Variants in LRRC7 observed in about 807,000 individuals in gnomAD.
LRRC7 encodes leucine-rich repeat-containing protein 7.
A neutral mutation model predicts 175.7 loss-of-function variants in LRRC7; 23 were observed. The ratio of observed to expected loss-of-function variants is 0.13; its 90% CI spans 0.09 to 0.19. LRRC7 has a LOEUF of 0.19. Ranked by LOEUF, LRRC7 falls within the 10% of genes least tolerant of loss-of-function variation. LRRC7 has a pLI of 1.00. For synonymous variants in LRRC7, 685 were observed against 680.9 expected (o/e 1.01, Z -0.09); for missense variants, 1,354 against 1,904.7 (o/e 0.71, Z 5.38).
chr1:69,916,899 A>T (rs1646736069), intron 7 of LRRC7, among the ~76,000 whole-genome samples: 2 of 152,302 alleles, frequency 1.3e-5, no homozygotes, highest in South Asian at 4.1e-4. Context: ...TATAAAATGA[A>T]GGCAAGAAGG....
intron 7 of LRRC7, among the ~76,000 whole-genome samples, chr1:69,843,953 G>A (rs1425766260): frequency 6.6e-6 from 1 of 152,068 alleles, no homozygotes. Flanking sequence ...TTAGATGGTA[G>A]TAATATATCA....
chr1:70,015,516 G>T (rs1447836705), intron 13 of LRRC7, among the ~76,000 whole-genome samples: 1 of 152,100 alleles, frequency 6.6e-6, no homozygotes, highest in Non-Finnish European at 1.5e-5. Flanking sequence ...GTATTCAAAA[G>T]TGAATATCCA....
intron 8 of LRRC7, among the ~76,000 whole-genome samples, chr1:69,959,779 G>A (rs564925282): frequency 1.3e-5 from 2 of 152,060 alleles, no homozygotes; most frequent in East Asian, 1.9e-4. Context: ...TCAGGTGAAC[G>A]GTCTTAGAAA....
Position 69,568,436 on chromosome 1 carries a change from G to A in LRRC7, c.-204G>A, listed in dbSNP as rs537367110. On this transcript the variant is annotated 5_prime_UTR_variant, in exon 1 of 27. Coordinates refer to ENST00000651989, the MANE Select transcript of LRRC7 (RefSeq NM_001370785.2). ...ACCTCTCCAGCCGTCCACCTGAAGG[G>A]CACTGGCATCATGGTCTAACGTGGC... The A allele has an allele frequency of 2.0e-4, 59 of 299,014 alleles. 3 individuals are homozygous for A. The Middle Eastern group carries it at 2.1e-3, about 11-fold the overall frequency. 18.5% of individuals were successfully genotyped at this position (299,014 alleles called of 1,614,324 possible). A position where few individuals can be genotyped will look rare whatever the true frequency, so the allele number is the denominator to read the frequency against.
intron 10 of LRRC7, among the ~76,000 whole-genome samples, chr1:69,992,257 A>G (rs1654510704): frequency 6.6e-6 from 1 of 152,162 alleles, no homozygotes; most frequent in African/African-American, 2.4e-5. Context: ...GTAAATGTAA[A>G]TATTAGCAAA....
intron 1 of LRRC7, among the ~76,000 whole-genome samples, chr1:69,668,794 C>T (rs1173980397): frequency 1.3e-5 from 2 of 152,172 alleles, no homozygotes; most frequent in Non-Finnish European, 2.9e-5. Context: ...TCTCCACATC[C>T]TCTCCAGCAT....
chr1:69,873,551 C>A (rs1050906651), intron 7 of LRRC7: 28 of 520,444 alleles, frequency 5.4e-5, no homozygotes, highest in Non-Finnish European at 5.2e-5. Flanking sequence ...GAGGGAGCAG[C>A]TTTTCGGGCA....
intron 2 of LRRC7, among the ~76,000 whole-genome samples, chr1:69,712,235 AACACACAC>A (rs57948269): frequency 9.3e-5 from 14 of 150,608 alleles, no homozygotes; most frequent in Admixed American, 2.0e-4. Flanking sequence ...TGAGAAAAAG[AACACACAC>A]ACACACACAC....
intron 2 of LRRC7, among the ~76,000 whole-genome samples, chr1:69,680,949 T>G (rs1308011330): frequency 6.6e-6 from 1 of 152,036 alleles, no homozygotes; most frequent in Non-Finnish European, 1.5e-5. Flanking sequence ...TCTCTTCTCT[T>G]TTTCTGTCTC....
chr1:70,037,931 A>G (rs144257846), intron 20 of LRRC7, among the ~76,000 whole-genome samples, 182 bp from the exon 21 acceptor site: 595 of 152,348 alleles, frequency 3.9e-3, no homozygotes, highest in Non-Finnish European at 6.3e-3. Flanking sequence ...AAAAAAAGTT[A>G]AAGCAGGATA....
chr1:70,109,071 G>C (rs1394971401), intron 26 of LRRC7, among the ~76,000 whole-genome samples: 2 of 151,920 alleles, frequency 1.3e-5, no homozygotes, highest in Non-Finnish European at 2.9e-5. Context: ...GCCCAGGCTG[G>C]AGTGCAATGG....
chr1:69,733,837 T>C (rs2100827598), intron 2 of LRRC7, among the ~76,000 whole-genome samples: 1 of 152,112 alleles, frequency 6.6e-6, no homozygotes, highest in East Asian at 1.9e-4. Context: ...ATAGCAGAAG[T>C]TTTCCATCTC....
intron 5 of LRRC7, among the ~76,000 whole-genome samples, chr1:69,826,149 C>T (rs1251445828): frequency 6.6e-6 from 1 of 152,118 alleles, no homozygotes; most frequent in African/African-American, 2.4e-5. Context: ...TGGTGGAAAA[C>T]TAGCATCAAG....
intron 1 of LRRC7, among the ~76,000 whole-genome samples, chr1:69,592,409 T>C (rs1340474960): frequency 6.6e-6 from 1 of 152,078 alleles, no homozygotes; most frequent in Admixed American, 6.6e-5. Context: ...TGAGTGCATA[T>C]ATTTTTTTTA....
At chr1:69,821,888 C>G (rs1679338504) in intron 4 of LRRC7, among the ~76,000 whole-genome samples, 1 of 150,696 alleles carries the variant, frequency 6.6e-6, no homozygotes, top group Non-Finnish European at 1.5e-5. Flanking sequence ...GAGCGAGACT[C>G]TGTCAAAAAA....
At position 69,980,343 on chromosome 1, in the gene LRRC7, G is replaced by C. The variant is rs762882678; in HGVS notation, c.712-36G>C. ...GATAAGTAAAAACTAATTTAATTTT[G>C]TTTTCCTCTCTCCTTCCTCCCCACT... On this transcript the variant is annotated intron_variant, in intron 8 of 26. Transcript: ENST00000651989. The C allele has an allele frequency of 1.4e-4, 209 of 1,499,970 alleles. 3 individuals carry two copies. In the South Asian group the frequency reaches 2.4e-3, roughly 17 times the overall value. The allele number at this position is 1,499,970 out of a possible 1,614,324, so 92.9% of individuals were successfully genotyped here. A position where few individuals can be genotyped will look rare whatever the true frequency, so the allele number is the denominator to read the frequency against.
chr1:70,109,968 A>G (rs773236975), intron 26 of LRRC7, among the ~76,000 whole-genome samples: 1 of 152,244 alleles, frequency 6.6e-6, no homozygotes, highest in Non-Finnish European at 1.5e-5. Context: ...AACGTTGCAG[A>G]GTTCCTTCCT....
intron 2 of LRRC7, among the ~76,000 whole-genome samples, chr1:69,749,264 T>G (rs1379759482): frequency 6.6e-6 from 1 of 152,226 alleles, no homozygotes; most frequent in Non-Finnish European, 1.5e-5. Context: ...TGCCACTACT[T>G]AGTACAAACC....
Position 69,857,756 on chromosome 1 carries a change from G to A in LRRC7, c.647+19473G>A, listed in dbSNP as rs746336501. Among the ~76,000 whole-genome samples, 13 of 152,046 alleles carry A rather than the reference G, an allele frequency of 8.6e-5. 1 individual carries two copies. In the South Asian group the frequency reaches 1.9e-3, roughly 22 times the overall value. On this transcript the variant is annotated intron_variant, in intron 7 of 26. Transcript: ENST00000651989. ...GACTTTGTTCACAGAATTGGAAAAA[G>A]CTACTTTAAAGTTCATATGGAACCA...
Sources: gnomAD v4.1 joint callset for allele counts (sites outside exome capture counted in the v4.1 genomes callset) on GRCh38, gnomAD v4.1.1 for gene constraint, MANE v1.5 for transcripts, NCBI Gene and HGNC (gene_info 2026-07-23, HGNC 2026-07-21) for gene names.